COL21A1: variants seen among roughly 807,000 people sequenced by gnomAD.
COL21A1 encodes collagen alpha-1(XXI) chain.
Under a neutral mutation model 137.9 loss-of-function variants are expected in COL21A1, and 149 were observed. The observed-to-expected ratio is 1.08, with a 90% CI of 0.95 to 1.24. COL21A1 has a LOEUF of 1.24. Among genes scored for constraint, COL21A1 ranks in the 50% most tolerant of loss-of-function variants. COL21A1 has a pLI of 0.00. For synonymous variants in COL21A1, 456 were observed against 391.5 expected, an observed-to-expected ratio of 1.16 and a Z score of -1.95; for missense variants, 1,167 against 1,158.4, an observed-to-expected ratio of 1.01 and a Z score of -0.11.
In COL21A1 at chr6:56,110,787, G is replaced by A. The variant is rs560590377; in HGVS notation, c.1759-9262C>T. ...ACTTAACAGAAGACTTACAAGATCT[G>A]AAAACTATGAAACTTTGCTGAGATA... On this transcript the variant is annotated intron_variant, in intron 16 of 29. Coordinates refer to ENST00000244728, the MANE Select transcript of COL21A1 (RefSeq NM_030820.4). 2.7e-4 allele frequency among the ~76,000 whole-genome samples: 41 copies of A among 152,136 alleles called. 1 individual carries two copies. Among genetic ancestry groups the A allele is most frequent in the Middle Eastern group, 3.4e-3 (1 of 292 alleles).
intron 1 of COL21A1, among the ~76,000 whole-genome samples, chr6:56,236,340 A>C (rs1330190151): frequency 6.6e-6 from 1 of 152,068 alleles, no homozygotes; most frequent in Admixed American, 6.6e-5. Flanking sequence ...AAAAGTTTCC[A>C]ATAGATGGGG....
At chr6:56,205,530 G>A (rs1379612276) in intron 1 of COL21A1, among the ~76,000 whole-genome samples, 1 of 152,140 alleles carries the variant, frequency 6.6e-6, no homozygotes, top group African/African-American at 2.4e-5. Flanking sequence ...GAAAGTGATG[G>A]GGAGAATGGA....
intron 1 of COL21A1, among the ~76,000 whole-genome samples, chr6:56,200,263 G>A (rs1779294048): frequency 6.6e-6 from 1 of 152,122 alleles, no homozygotes; most frequent in South Asian, 2.1e-4. Context: ...AATGCGAAGT[G>A]TGTCTATTAA....
chr6:56,231,468 AC>A (rs1173295757), intron 1 of COL21A1, among the ~76,000 whole-genome samples: 1 of 151,870 alleles, frequency 6.6e-6, no homozygotes, highest in African/African-American at 2.4e-5. Flanking sequence ...CCCAACCAAG[AC>A]CACTAAGACA....
intron 17 of COL21A1, among the ~76,000 whole-genome samples, chr6:56,086,365 C>CTA (rs1324508825): frequency 2.6e-5 from 4 of 152,154 alleles, no homozygotes; most frequent in Admixed American, 6.6e-5. Context: ...CAAAATGTAA[C>CTA]TATTAATAGC....
At chr6:56,377,746 A>G (rs1039291366) in intron 1 of COL21A1, among the ~76,000 whole-genome samples, 1 of 152,078 alleles carries the variant, frequency 6.6e-6, no homozygotes, top group African/African-American at 2.4e-5. Context: ...TGCGGCAACT[A>G]AGAGAGTACT....
chr6:56,159,730 T>C (rs1417590491), intron 9 of COL21A1, among the ~76,000 whole-genome samples: 2 of 151,970 alleles, frequency 1.3e-5, no homozygotes, highest in Non-Finnish European at 2.9e-5. Context: ...ATCTGTCATT[T>C]ACCCACTCAT....
At position 56,120,651 on chromosome 6, in the gene COL21A1, G is replaced by A. The variant is rs142085121; in HGVS notation, c.1758+3411C>T. Among the ~76,000 whole-genome samples, 563 of 152,032 alleles carry A rather than the reference G, an allele frequency of 3.7e-3. 6 individuals are homozygous for A. Among genetic ancestry groups the A allele is most frequent in the African/African-American group, 0.013 (536 of 41,490 alleles). On this transcript the variant is annotated intron_variant, in intron 16 of 29. Coordinates refer to ENST00000244728, the MANE Select transcript of COL21A1 (RefSeq NM_030820.4). ...TCTACTAAAAATACAAAAATTAGCC[G>A]GGCATCATGGCAGTTGCCTGTAATC...
At chr6:56,072,268 C>A (rs1053913487) in intron 20 of COL21A1, among the ~76,000 whole-genome samples, 1 of 151,454 alleles carries the variant, frequency 6.6e-6, no homozygotes, top group African/African-American at 2.4e-5. Flanking sequence ...AATGAACATA[C>A]GTGTGCTTGT....
At chr6:56,294,508 A>G (rs1764120579) in intron 1 of COL21A1, among the ~76,000 whole-genome samples, 1 of 152,004 alleles carries the variant, frequency 6.6e-6, no homozygotes, top group South Asian at 2.1e-4. Flanking sequence ...ACACACATAT[A>G]TTTTCACCTA....
intron 1 of COL21A1, among the ~76,000 whole-genome samples, chr6:56,277,966 A>T (rs1395282258): frequency 6.6e-6 from 1 of 152,234 alleles, no homozygotes; most frequent in Non-Finnish European, 1.5e-5. Context: ...TTTGGTCAAC[A>T]TTAAAGACTC....
chr6:56,190,573 C>T (rs1440563138), intron 1 of COL21A1, among the ~76,000 whole-genome samples: 1 of 152,144 alleles, frequency 6.6e-6, no homozygotes, highest in East Asian at 1.9e-4. Context: ...AGAGGGAATC[C>T]TCCCTAACTC....
intron 1 of COL21A1, among the ~76,000 whole-genome samples, chr6:56,380,876 A>C (rs2094007607): frequency 6.6e-6 from 1 of 152,212 alleles, no homozygotes; most frequent in African/African-American, 2.4e-5. Flanking sequence ...CATGAGTTCA[A>C]TGTTAATGAA....
intron 1 of COL21A1, among the ~76,000 whole-genome samples, chr6:56,288,249 T>A (rs13209920): frequency 0.85 from 126,812 of 148,924 alleles, 53,974 homozygotes; most frequent in East Asian, 0.91. Context: ...TTTAAAAAAA[T>A]AAAAGAAAAA....
At chr6:56,216,912 A>G (rs1780520766) in intron 1 of COL21A1, among the ~76,000 whole-genome samples, 2 of 152,094 alleles carry the variant, frequency 1.3e-5, no homozygotes, top group Non-Finnish European at 2.9e-5. Context: ...TAAGAACATG[A>G]GAATATATAT....
intron 5 of COL21A1, among the ~76,000 whole-genome samples, chr6:56,169,815 T>C (rs1287475205): frequency 1.3e-5 from 2 of 152,008 alleles, no homozygotes; most frequent in East Asian, 1.9e-4. Context: ...TATCCTATTG[T>C]AAATACGCTC....
At chr6:56,370,813 C>T (rs1224983106) in intron 1 of COL21A1, among the ~76,000 whole-genome samples, 2 of 152,138 alleles carry the variant, frequency 1.3e-5, no homozygotes, top group Non-Finnish European at 2.9e-5. Context: ...ATGTACTTGG[C>T]AAAGATCCAA....
intron 1 of COL21A1, among the ~76,000 whole-genome samples, chr6:56,243,478 T>C (rs1246478815): frequency 6.6e-6 from 1 of 152,158 alleles, no homozygotes; most frequent in Non-Finnish European, 1.5e-5. Context: ...GAACACCAAA[T>C]TAATAACCTA....
At chr6:56,206,697 A>AATAAATATATATAT (rs1344636182) in intron 1 of COL21A1, among the ~76,000 whole-genome samples, 5 of 32,328 alleles carry the variant, frequency 1.5e-4, no homozygotes, top group East Asian at 1.9e-3. Context: ...TAAATAAATA[A>AATAAATATATATAT]ATATATATAT....
Sources: allele counts gnomAD v4.1 joint callset (sites outside exome capture counted in the v4.1 genomes callset), GRCh38; gene constraint gnomAD v4.1.1; transcripts MANE v1.5; gene names NCBI Gene and HGNC (gene_info 2026-07-23, HGNC 2026-07-21).